SHANK2: variants seen among roughly 807,000 people sequenced by gnomAD.
The protein encoded by SHANK2 is SH3 and multiple ankyrin repeat domains 2, also known as SH3 and multiple ankyrin repeat domains protein 2.
Under a neutral mutation model 133.7 loss-of-function variants are expected in SHANK2, and 43 were observed. The ratio of observed to expected loss-of-function variants is 0.32; its 90% CI spans 0.25 to 0.41. The LOEUF is 0.41. SHANK2 is among the 10% of genes least tolerant of loss of function. The pLI, the probability that SHANK2 is intolerant of heterozygous loss-of-function variation, is 1.00. For synonymous variants in SHANK2, 1,017 were observed against 952.8 expected, an observed-to-expected ratio of 1.07 and a Z score of -1.24; for missense variants, 1,994 against 2,235.8, an observed-to-expected ratio of 0.89 and a Z score of 2.18.
chr11:71,195,188 C>T (rs998880429), intron 2 of SHANK2, among the ~76,000 whole-genome samples: 4 of 151,926 alleles, frequency 2.6e-5, no homozygotes, highest in African/African-American at 9.7e-5. Context: ...GTCAGGAGAT[C>T]GAGACCATCC....
At chr11:70,582,594 T>C (rs1250055154) in intron 17 of SHANK2, among the ~76,000 whole-genome samples, 3 of 152,172 alleles carry the variant, frequency 2.0e-5, no homozygotes, top group African/African-American at 7.2e-5. Context: ...TCACTGAGGG[T>C]GGCCCTGGAG....
At chr11:70,896,840 C>T (rs1555075806) in intron 10 of SHANK2, among the ~76,000 whole-genome samples, 1 of 152,132 alleles carries the variant, frequency 6.6e-6, no homozygotes, top group African/African-American at 2.4e-5. Context: ...GGCAAATTAC[C>T]CATAGAGCAG....
intron 17 of SHANK2, among the ~76,000 whole-genome samples, chr11:70,582,265 T>G (rs1554985643): frequency 6.6e-6 from 1 of 152,246 alleles, no homozygotes; most frequent in African/African-American, 2.4e-5. Flanking sequence ...AAGGACCACC[T>G]AACTGTCCCC....
chr11:71,150,727 C>A (rs1310719295), intron 2 of SHANK2, among the ~76,000 whole-genome samples: 2 of 152,038 alleles, frequency 1.3e-5, no homozygotes, highest in African/African-American at 2.4e-5. Context: ...TGTCCAACCA[C>A]CTAACACAAT....
chr11:70,780,772 C>T (rs1332204850), intron 14 of SHANK2, among the ~76,000 whole-genome samples: 1 of 152,044 alleles, frequency 6.6e-6, no homozygotes, highest in Non-Finnish European at 1.5e-5. Context: ...CGGGGATTCA[C>T]CATGTTGGTC....
Position 71,075,146 on chromosome 11 carries a change from G to A in SHANK2, c.1029+13C>T, listed in dbSNP as rs971430063. ...TGTATACATTATTTCCTTTAAATGC[G>A]CTCAGCACTCACCTGGTTGTAGAGG... On this transcript the variant is annotated intron_variant, in intron 9 of 25. Transcript: ENST00000601538. The A allele has an allele frequency of 6.1e-5, 12 of 196,594 alleles. No homozygotes were observed. Among genetic ancestry groups the A allele is most frequent in the Non-Finnish European group, 4.4e-5 (4 of 91,940 alleles). The allele number at this position is 196,594 out of a possible 1,614,324, so 12.2% of individuals were successfully genotyped here. A position where few individuals can be genotyped will look rare whatever the true frequency, so the allele number is the denominator to read the frequency against.
intron 14 of SHANK2, among the ~76,000 whole-genome samples, chr11:70,757,953 C>T (rs1374336555): frequency 6.6e-6 from 1 of 152,128 alleles, no homozygotes; most frequent in Non-Finnish European, 1.5e-5. Context: ...GTAGGATGGG[C>T]TCCTTCTGGA....
rs1590793722 is a variant in SHANK2, at chr11:70,882,972, G to C, written c.1174+13529C>G. On this transcript the variant is annotated intron_variant, in intron 11 of 25. Coordinates refer to ENST00000601538, the MANE Select transcript of SHANK2 (RefSeq NM_012309.5). The surrounding 1 kb of genome is among the most constrained non-coding windows in gnomAD (Gnocchi z 4.2). ...TGCGGCCTGTGGGAGGGGAGGGCAG[G>C]AGCCAGGGTCCCAGAGGTCAAGGTG... Among the ~76,000 whole-genome samples the C allele has an allele frequency of 6.6e-6, 1 of 152,306 alleles. No homozygotes were observed. The highest frequency in any genetic ancestry group is 3.4e-3 in the Middle Eastern group (1 of 294).
At chr11:70,776,164 G>A (rs1947361662) in intron 14 of SHANK2, among the ~76,000 whole-genome samples, 1 of 152,218 alleles carries the variant, frequency 6.6e-6, no homozygotes, top group South Asian at 2.1e-4. Context: ...TGTACTGGGA[G>A]CAGCCCATTC....
At position 71,068,827 on chromosome 11, in the gene SHANK2, A is replaced by G. The variant is rs1310771751; in HGVS notation, c.1029+6332T>C. On this transcript the variant is annotated intron_variant, in intron 9 of 25. Coordinates refer to ENST00000601538, the MANE Select transcript of SHANK2 (RefSeq NM_012309.5). ...CATCACCATGACCATGCTCACCACC[A>G]TCATCAGCACCATCGCTGTCACCAT... Among the ~76,000 whole-genome samples the G allele has an allele frequency of 7.6e-4, 116 of 152,220 alleles. 2 individuals carry two copies. The highest frequency in any genetic ancestry group is 7.5e-3 in the Admixed American group (114 of 15,284).
intron 14 of SHANK2, among the ~76,000 whole-genome samples, chr11:70,777,389 A>T (rs2921327): frequency 1.3e-5 from 2 of 150,620 alleles, no homozygotes; most frequent in Non-Finnish European, 2.9e-5. Flanking sequence ...CCACCCATGT[A>T]TTCATCTACC....
In SHANK2 at chr11:70,852,673, T is replaced by A. The variant is rs943301677; in HGVS notation, c.1175-31991A>T. ...GCCTGGCCAACATAGTGAAACCCCG[T>A]CTTGACTAAAAATACAAAAATTAGC... On this transcript the variant is annotated intron_variant, in intron 11 of 25. Coordinates refer to ENST00000601538, the MANE Select transcript of SHANK2 (RefSeq NM_012309.5). Among the ~76,000 whole-genome samples, 5 of 152,162 alleles carry A rather than the reference T, an allele frequency of 3.3e-5. No homozygotes were observed. In the East Asian group the frequency reaches 9.6e-4, roughly 29 times the overall value.
At chr11:71,101,775 G>A (rs1214430803) in intron 6 of SHANK2, among the ~76,000 whole-genome samples, 4 of 152,184 alleles carry the variant, frequency 2.6e-5, no homozygotes, top group African/African-American at 9.7e-5. Flanking sequence ...GAATGTCCTC[G>A]AGGCCTCCTA....
intron 17 of SHANK2, among the ~76,000 whole-genome samples, chr11:70,525,139 G>C (rs2059379868): frequency 6.6e-6 from 1 of 152,254 alleles, no homozygotes; most frequent in Non-Finnish European, 1.5e-5. Flanking sequence ...GGACGCGTGT[G>C]GAGGCTCTGG....
intron 10 of SHANK2, among the ~76,000 whole-genome samples, chr11:70,934,583 C>T (rs745651560): frequency 6.6e-5 from 10 of 152,244 alleles, no homozygotes; most frequent in Non-Finnish European, 1.3e-4. Context: ...GATAGCCTCT[C>T]CTGGCATTCT....
intron 1 of SHANK2, among the ~76,000 whole-genome samples, chr11:71,238,143 G>A (rs1555123968): frequency 6.6e-6 from 1 of 152,178 alleles, no homozygotes; most frequent in African/African-American, 2.4e-5. Flanking sequence ...TGAACCCTAC[G>A]CACTCATGAT....
intron 14 of SHANK2, among the ~76,000 whole-genome samples, chr11:70,740,579 C>T (rs1273309572): frequency 6.6e-6 from 1 of 152,128 alleles, no homozygotes; most frequent in African/African-American, 2.4e-5. Flanking sequence ...CTGAAGTCTT[C>T]CTGTTCCTCC....
At chr11:70,935,218 C>T (rs782620535) in intron 10 of SHANK2, among the ~76,000 whole-genome samples, 7 of 152,268 alleles carry the variant, frequency 4.6e-5, no homozygotes, top group East Asian at 3.9e-4. Flanking sequence ...CCAGCGTGTC[C>T]GTGCTGTCTA....
At chr11:70,672,238 A>G (rs1411174559) in intron 15 of SHANK2, among the ~76,000 whole-genome samples, 2 of 151,638 alleles carry the variant, frequency 1.3e-5, no homozygotes, top group Non-Finnish European at 2.9e-5. Context: ...TAATTTTTAT[A>G]TTTTTAGTAG....
Sources: allele counts gnomAD v4.1 joint callset (sites outside exome capture counted in the v4.1 genomes callset), GRCh38; gene constraint gnomAD v4.1.1; non-coding constraint Gnocchi (gnomAD v3.1); transcripts MANE v1.5; gene names NCBI Gene and HGNC (gene_info 2026-07-23, HGNC 2026-07-21).